The following ARHGAP12 variants were observed in gnomAD, a reference collection of about 807,000 sequenced individuals.
ARHGAP12 encodes Rho GTPase activating protein 12.
In ARHGAP12, 64 loss-of-function variants were observed where a neutral mutation model predicts 108.6. The observed-to-expected ratio is 0.59, with a 90% CI of 0.48 to 0.73. ARHGAP12 has a LOEUF of 0.73. Among genes scored for constraint, ARHGAP12 ranks in the 30% least tolerant of loss-of-function variants. The pLI, the probability that ARHGAP12 is intolerant of heterozygous loss-of-function variation, is 0.00. For synonymous variants in ARHGAP12, 312 were observed against 337.2 expected (o/e 0.93, Z 0.82); for missense variants, 940 against 1,005.9 (o/e 0.93, Z 0.89).
intron 9 of ARHGAP12, among the ~76,000 whole-genome samples, chr10:31,838,589 G>A (rs148613224): frequency 1.2e-4 from 18 of 152,188 alleles, no homozygotes; most frequent in African/African-American, 4.1e-4. Flanking sequence ...CAGCACTTTG[G>A]GGGGCCAGGG....
At position 31,810,688 on chromosome 10, in the gene ARHGAP12, T is replaced by C. The variant is rs1834983052; in HGVS notation, c.2011A>G (p.Lys671Glu). ...LCQRENGTVP[K>E]FVKLCIEHVE... ...TGTTCAATACATAACTTCACAAACT[T>C]TGGTACTGTGCCATTCTCTCTCTGA... Residue 671 changes from lysine (K) to glutamate (E), a missense_variant, in exon 16 of 20, where the codon AAG (lysine) becomes GAG (glutamate). Lys to Glu is a moderately conservative substitution (Grantham distance 56). Transcript: ENST00000344936. 6.2e-7 allele frequency: 1 copy of C among 1,607,148 alleles called. No homozygotes were observed. The highest frequency in any genetic ancestry group is 8.5e-7 in the Non-Finnish European group (1 of 1,177,286).
At chr10:31,836,952 AG>A (rs1836044457) in intron 9 of ARHGAP12, among the ~76,000 whole-genome samples, 1 of 152,178 alleles carries the variant, frequency 6.6e-6, no homozygotes, top group Admixed American at 6.5e-5. Context: ...AGGTAAAAAA[AG>A]ATTGAAACAG....
chr10:31,812,795 T>C lies in ARHGAP12; in HGVS notation c.1863A>G (p.Ser621=), dbSNP rs764825537. 25 of 1,607,070 alleles carry C rather than the reference T, an allele frequency of 1.6e-5. No homozygotes were observed. The South Asian group carries it at 2.5e-4, about 16-fold the overall frequency. ...AGTTTTTCTTGGTTTTTTTCTGTTC[T>C]GAAGAATCTATGCTAGATACTTTAA... ...RSFKVSSIDS[S]EQKKTKKNLK... is the part of the protein sequence containing the mutation. The change falls in exon 15 of 20, where the codon TCA becomes TCG. Residue 621 remains serine, a synonymous_variant. Transcript: ENST00000344936.
At chr10:31,877,377 T>C (rs983717942) in intron 3 of ARHGAP12, among the ~76,000 whole-genome samples, 2 of 152,214 alleles carry the variant, frequency 1.3e-5, no homozygotes, top group African/African-American at 4.8e-5. Flanking sequence ...AAAGTATCCA[T>C]AACATTTTTC....
At chr10:31,850,806 T>G (rs1324410529) in intron 6 of ARHGAP12, among the ~76,000 whole-genome samples, 1 of 152,142 alleles carries the variant, frequency 6.6e-6, no homozygotes, top group Non-Finnish European at 1.5e-5. Context: ...GAGTTCTGAG[T>G]GCTTGGCACA....
In ARHGAP12 at chr10:31,820,129, C is replaced by T. The variant is rs562139479; in HGVS notation, c.1632+258G>A. Among the ~76,000 whole-genome samples, 9 of 152,096 alleles carry T rather than the reference C, an allele frequency of 5.9e-5. No individual in the cohort carries two copies. In the East Asian group the frequency reaches 1.5e-3, roughly 26 times the overall value. On this transcript the variant is annotated intron_variant, in intron 12 of 19. Transcript: ENST00000344936. Reference sequence around the variant, plus strand: ...TAGATTTGGTAAGTAAAGGGAACCACATCCTTTTTATTATTGCTGGCAAAA... The same window carrying T: ...TAGATTTGGTAAGTAAAGGGAACCATATCCTTTTTATTATTGCTGGCAAAA...
intron 11 of ARHGAP12, among the ~76,000 whole-genome samples, chr10:31,820,956 C>A (rs930052627): frequency 6.6e-6 from 1 of 152,048 alleles, no homozygotes; most frequent in African/African-American, 2.4e-5. Flanking sequence ...TCCTAGACTA[C>A]ACATGACTAT....
At chr10:31,834,447 C>T (rs914227563) in intron 9 of ARHGAP12, among the ~76,000 whole-genome samples, 2 of 152,142 alleles carry the variant, frequency 1.3e-5, no homozygotes, top group Non-Finnish European at 2.9e-5. Flanking sequence ...AGGAAGGTGC[C>T]CTCACCAGAC....
intron 3 of ARHGAP12, among the ~76,000 whole-genome samples, chr10:31,892,354 T>A (rs1838482329): frequency 6.6e-6 from 1 of 152,126 alleles, no homozygotes; most frequent in South Asian, 2.1e-4. Flanking sequence ...GTGTGCTGTA[T>A]TCAGGAGACC....
chr10:31,848,032 G>C (rs1435658241), intron 6 of ARHGAP12, among the ~76,000 whole-genome samples: 1 of 152,196 alleles, frequency 6.6e-6, no homozygotes, highest in Non-Finnish European at 1.5e-5. Context: ...CCCCTCCTGA[G>C]ACTGGGAGGC....
rs533175767 is a variant in ARHGAP12 at position 31,809,326 on chromosome 10, TTG to T, written c.2051-21_2051-20del. On this transcript the variant is annotated intron_variant, in intron 16 of 19. Coordinates refer to ENST00000344936, the MANE Select transcript of ARHGAP12 (RefSeq NM_018287.7). ...TCCAAACCTAAGAGACAATAATAATTTGTGTGTGTGTGTGTTTAAAGTACTTC... is the reference window on the plus strand; with the variant it reads ...TCCAAACCTAAGAGACAATAATAATTTGTGTGTGTGTGTTTAAAGTACTTC... The T allele has an allele frequency of 7.5e-5, 121 of 1,606,058 alleles. No individual in the cohort carries two copies. Among genetic ancestry groups the T allele is most frequent in the Non-Finnish European group, 8.9e-5 (105 of 1,173,336 alleles).
chr10:31,808,826 T>C, intron 18 of ARHGAP12, 75 bp from the exon 19 acceptor site: 1 of 1,495,968 alleles, frequency 6.7e-7, no homozygotes, highest in Non-Finnish European at 9.3e-7. Flanking sequence ...GTTTGGAAGC[T>C]GATATTTGGT....
At chr10:31,919,849 T>G (rs1223510836) in intron 1 of ARHGAP12, among the ~76,000 whole-genome samples, 2 of 150,010 alleles carry the variant, frequency 1.3e-5, no homozygotes, top group Non-Finnish European at 3.0e-5. Flanking sequence ...CCAGGCACGG[T>G]GGCTCACGCC....
chr10:31,872,558 C>T (rs10508769), intron 3 of ARHGAP12, among the ~76,000 whole-genome samples: 35,183 of 152,034 alleles, frequency 0.23, 4,375 homozygotes, highest in East Asian at 0.47. Flanking sequence ...TTCTTCCTCT[C>T]TTATCCCAAG....
chr10:31,840,306 T>A (rs11591546), intron 7 of ARHGAP12, among the ~76,000 whole-genome samples: 16,867 of 151,536 alleles, frequency 0.11, 1,230 homozygotes, highest in Non-Finnish European at 0.17. Flanking sequence ...GAAAAAAAAA[T>A]TTTAATGTCT....
rs1014059470 is a variant in ARHGAP12 at position 31,908,740 on chromosome 10, C to G, written c.116G>C (p.Arg39Thr). The change falls in exon 3 of 20, where the codon AGG becomes ACG. Residue 39 changes from arginine to threonine, a missense_variant. By Grantham distance (71) the Arg-to-Thr change is moderately conservative. Transcript: ENST00000344936. ...DRKIVIKQGE[R>T]YILVKKTNDD... ...ATTGGTCTTTTTCACCAAGATGTAC[C>G]TCTCCCCTTGTTTTATCACAATCTT... 1.2e-6 allele frequency: 2 copies of G among 1,614,032 alleles called. No homozygotes were observed. Among genetic ancestry groups the G allele is most frequent in the Non-Finnish European group, 1.7e-6 (2 of 1,180,024 alleles).
intron 1 of ARHGAP12, among the ~76,000 whole-genome samples, chr10:31,924,408 T>C (rs551206274): frequency 1.3e-5 from 2 of 152,244 alleles, no homozygotes; most frequent in South Asian, 4.1e-4. Flanking sequence ...CACTTAGATA[T>C]AAAGCATGAT....
At chr10:31,868,612 T>C (rs1406586402) in intron 3 of ARHGAP12, among the ~76,000 whole-genome samples, 13 of 152,080 alleles carry the variant, frequency 8.5e-5, no homozygotes. Context: ...GGGTGGCAAG[T>C]GGTGATAGTG....
At chr10:31,829,736 C>T (rs965824592) in intron 10 of ARHGAP12, among the ~76,000 whole-genome samples, 7 of 152,190 alleles carry the variant, frequency 4.6e-5, no homozygotes, top group Non-Finnish European at 7.3e-5. Flanking sequence ...CAAAGACCAA[C>T]GGCTTTTAAT....
Sources: gnomAD v4.1 joint callset for allele counts (sites outside exome capture counted in the v4.1 genomes callset) on GRCh38, gnomAD v4.1.1 for gene constraint, MANE v1.5 for transcripts, NCBI Gene and HGNC (gene_info 2026-07-23, HGNC 2026-07-21) for gene names.